OPA3: variants seen among roughly 807,000 people sequenced by gnomAD.
OPA3 encodes outer mitochondrial membrane lipid metabolism regulator OPA3.
Under a neutral mutation model 4.0 loss-of-function variants are expected in OPA3, and 6 were observed. That is an observed-to-expected ratio of 1.51 (90% CI 0.83 to 2.99). The LOEUF is 2.99. Ranked by LOEUF, OPA3 falls within the 30% of genes most tolerant of loss-of-function variation. The pLI, the probability that OPA3 is intolerant of heterozygous loss-of-function variation, is 0.00. For synonymous variants in OPA3, 105 were observed against 117.1 expected, an observed-to-expected ratio of 0.90 and a Z score of 0.67; for missense variants, 235 against 256.2, an observed-to-expected ratio of 0.92 and a Z score of 0.56.
At chr19:45,532,872 C>T (rs1279767366) in intron 1 of OPA3, among the ~76,000 whole-genome samples, 2 of 151,886 alleles carry the variant, frequency 1.3e-5, no homozygotes, top group African/African-American at 4.8e-5. Flanking sequence ...CCACTGTGCC[C>T]AGCCCTAGGA....
At position 45,553,693 on chromosome 19, in the gene OPA3, C is replaced by T; in HGVS notation, c.361G>A (p.Ala121Thr). Residue 121 changes from alanine to threonine, a missense_variant, in exon 2 of 2, where the codon GCG becomes ACG. Ala to Thr is a moderately conservative substitution (Grantham distance 58, BLOSUM62 0). Transcript: ENST00000263275. Reference protein sequence around the residue: ...KEEEQRAAWNALRDEVGHLAL... With the variant: ...KEEEQRAAWNTLRDEVGHLAL... ...AGGTGGCCCACCTCGTCCCGCAGCGCGTTCCAGGCAGCACGCTGCTCCTCC... is the reference window on the plus strand; with the variant it reads ...AGGTGGCCCACCTCGTCCCGCAGCGTGTTCCAGGCAGCACGCTGCTCCTCC... 6.2e-7 allele frequency: 1 copy of T among 1,606,764 alleles called. No individual in the cohort carries two copies. Among genetic ancestry groups the T allele is most frequent in the Non-Finnish European group, 8.5e-7 (1 of 1,178,812 alleles).
At position 45,551,575 on chromosome 19, in the gene OPA3, C is replaced by T. The variant is rs1599960901; in HGVS notation, c.*1939G>A. 1 of 372,980 alleles carries T rather than the reference C, an allele frequency of 2.7e-6. No homozygotes were observed. Among genetic ancestry groups the T allele is most frequent in the Non-Finnish European group, 3.7e-6 (1 of 270,216 alleles). 23.1% of individuals were successfully genotyped at this position (372,980 alleles called of 1,614,324 possible). A position where few individuals can be genotyped will look rare whatever the true frequency, so the allele number is the denominator to read the frequency against. ...GCTGGAAGAGGGAGCGTGTCCCTGT[C>T]AGCACCTTGGTTTCAGACTTCTGGA... On this transcript the variant is annotated 3_prime_UTR_variant, in exon 2 of 2. Coordinates refer to ENST00000263275, the MANE Select transcript of OPA3 (RefSeq NM_025136.4).
intron 1 of OPA3, among the ~76,000 whole-genome samples, chr19:45,580,028 G>A (rs6509225): frequency 0.57 from 82,103 of 144,562 alleles, 25,010 homozygotes; most frequent in African/African-American, 0.81. Flanking sequence ...ATGGAGTCTC[G>A]CTCTGTCACC....
chr19:45,534,703 G>A (rs572940387), intron 1 of OPA3, among the ~76,000 whole-genome samples: 1 of 151,198 alleles, frequency 6.6e-6, no homozygotes, highest in East Asian at 2.0e-4. Context: ...CGTGATCTCA[G>A]CTCACCACAA....
intron 1 of OPA3, chr19:45,529,503 T>C (rs1362076274): frequency 6.2e-7 from 1 of 1,609,092 alleles, no homozygotes; most frequent in Non-Finnish European, 8.5e-7. Flanking sequence ...GGCAGCCTCC[T>C]ATAAGCCCCG....
downstream of OPA3, chr19:45,546,271 G>A (rs1178355808): frequency 2.8e-6 from 1 of 355,544 alleles, no homozygotes; most frequent in African/African-American, 2.2e-5. Flanking sequence ...ATTAAACCGG[G>A]CTGCAAATAT....
chr19:45,582,886 C>T (rs942341592), intron 1 of OPA3, among the ~76,000 whole-genome samples: 3 of 152,280 alleles, frequency 2.0e-5, no homozygotes, highest in South Asian at 4.1e-4. Flanking sequence ...AGTCGCCAGA[C>T]AAGAAGGAGG....
intron 1 of OPA3, among the ~76,000 whole-genome samples, chr19:45,539,709 G>A (rs935669154): frequency 6.6e-5 from 10 of 151,228 alleles, no homozygotes; most frequent in African/African-American, 1.9e-4. Flanking sequence ...AGCAGACAGC[G>A]CGTCACTGCA....
intron 1 of OPA3, among the ~76,000 whole-genome samples, chr19:45,534,753 C>G (rs1462189873): frequency 1.3e-5 from 2 of 151,628 alleles, no homozygotes; most frequent in Non-Finnish European, 2.9e-5. Flanking sequence ...CTGCCTCAGC[C>G]TCCCGAGTAG....
At chr19:45,542,193 AC>A (rs1250563461), downstream of OPA3, among the ~76,000 whole-genome samples, 5 of 152,140 alleles carry the variant, frequency 3.3e-5, no homozygotes, top group African/African-American at 1.2e-4. Flanking sequence ...CATGAAGACC[AC>A]CCCAGGGTGA....
intron 1 of OPA3, among the ~76,000 whole-genome samples, chr19:45,539,987 G>A (rs1055456995): frequency 2.0e-5 from 3 of 152,138 alleles, no homozygotes; most frequent in African/African-American, 4.8e-5. Flanking sequence ...GCATAACCAT[G>A]TCAGTTTACT....
chr19:45,532,694 C>T (rs1969072223), intron 1 of OPA3, among the ~76,000 whole-genome samples: 1 of 152,012 alleles, frequency 6.6e-6, no homozygotes, highest in African/African-American at 2.4e-5. Flanking sequence ...TATAAAATAT[C>T]CAAACATACA....
At chr19:45,584,531 A>G in intron 1 of OPA3, 92 bp downstream of exon 1, 17 of 1,598,064 alleles carry the variant, frequency 1.1e-5, no homozygotes, top group Non-Finnish European at 8.5e-6. Flanking sequence ...TCGGGCTGTG[A>G]TTGGTCGTAG....
At chr19:45,535,748 TG>T (rs1332192935) in intron 1 of OPA3, among the ~76,000 whole-genome samples, 1 of 144,588 alleles carries the variant, frequency 6.9e-6, no homozygotes, top group East Asian at 2.0e-4. Context: ...ACATAATAAC[TG>T]TTTTTTTCTT....
At chr19:45,554,100 C>T (rs182626637) in intron 1 of OPA3, among the ~76,000 whole-genome samples, 189 bp from the exon 2 acceptor site, 21 of 152,252 alleles carry the variant, frequency 1.4e-4, no homozygotes, top group Admixed American at 6.5e-4. Context: ...TGAGGGGCCG[C>T]GCCCCAAGAG....
At chr19:45,565,314 G>A (rs1042201765) in intron 1 of OPA3, among the ~76,000 whole-genome samples, 4 of 150,506 alleles carry the variant, frequency 2.7e-5, no homozygotes, top group Admixed American at 6.6e-5. Context: ...ACCACTGATC[G>A]AAACTGCACG....
At position 45,548,126 on chromosome 19, in the gene OPA3, G is replaced by A. The variant is rs1177733440; in HGVS notation, c.*5388C>T. On this transcript the variant is annotated 3_prime_UTR_variant, in exon 2 of 2. Transcript: ENST00000263275. ...GCAGTTGATCCTCAGTACACTCAGA[G>A]TTGCCATGCTTCTCCTCTCTCTGTC... The A allele has an allele frequency of 1.0e-6, 1 of 985,614 alleles. No individual in the cohort carries two copies. The highest frequency in any genetic ancestry group is 1.2e-6 in the Non-Finnish European group (1 of 830,010). 61.1% of individuals were successfully genotyped at this position (985,614 alleles called of 1,614,324 possible).
intron 1 of OPA3, among the ~76,000 whole-genome samples, chr19:45,562,444 A>G (rs1969518531): frequency 6.6e-6 from 1 of 151,896 alleles, no homozygotes; most frequent in South Asian, 2.1e-4. Context: ...AAATCCCAGC[A>G]CTTTGGGAGG....
chr19:45,570,981 G>GGGGC (rs1969655850), intron 1 of OPA3, among the ~76,000 whole-genome samples: 1 of 134,924 alleles, frequency 7.4e-6, no homozygotes, highest in African/African-American at 2.9e-5. Flanking sequence ...AACTATTTGG[G>GGGGC]GGGGGGGGGC....
Sources: gnomAD v4.1 joint callset for allele counts (sites outside exome capture counted in the v4.1 genomes callset) on GRCh38, gnomAD v4.1.1 for gene constraint, MANE v1.5 for transcripts, NCBI Gene and HGNC (gene_info 2026-07-23, HGNC 2026-07-21) for gene names.